The following SMURF2 variants were observed in gnomAD, a reference collection of about 807,000 sequenced individuals.
SMURF2 encodes the protein SMAD specific E3 ubiquitin protein ligase 2, also known as E3 ubiquitin-protein ligase SMURF2.
In SMURF2, 48 loss-of-function variants were observed where a neutral mutation model predicts 109.6. The ratio of observed to expected loss-of-function variants is 0.44; its 90% CI spans 0.35 to 0.56. The LOEUF (loss-of-function observed/expected upper bound fraction) is 0.56. Among genes scored for constraint, SMURF2 ranks in the 20% least tolerant of loss-of-function variants. SMURF2 has a pLI of 0.01. For missense variants in SMURF2, 575 were observed against 909.0 expected (o/e 0.63, Z 4.72); for synonymous variants, 288 against 317.1 (o/e 0.91, Z 0.97).
intron 5 of SMURF2, 96 bp downstream of exon 5, chr17:64,590,988 A>T (rs558586008): frequency 1.3e-6 from 1 of 781,246 alleles, no homozygotes; most frequent in African/African-American, 1.8e-5. Flanking sequence ...GGCCAACACA[A>T]TGAAGCTACA....
At chr17:64,618,787 A>G (rs1248616275) in intron 1 of SMURF2, among the ~76,000 whole-genome samples, 3 of 152,214 alleles carry the variant, frequency 2.0e-5, no homozygotes, top group Non-Finnish European at 4.4e-5. Context: ...GACTTGCATC[A>G]CTTTTTGGCC....
intron 1 of SMURF2, among the ~76,000 whole-genome samples, chr17:64,642,898 G>A (rs57686221): frequency 0.024 from 3,704 of 152,086 alleles, 159 homozygotes; most frequent in African/African-American, 0.085. Context: ...AGGCTCAAGA[G>A]ATCCTCCCAC....
In SMURF2 at chr17:64,581,863, T is replaced by C. The variant is rs1476688185; in HGVS notation, c.570-872A>G. ...GGGAGGCTGAGGTACGAGAATTGCT[T>C]GAATCCAGGAGGCAGAGGTTGCAGT... On this transcript the variant is annotated intron_variant, in intron 7 of 18. Coordinates refer to ENST00000262435, the MANE Select transcript of SMURF2 (RefSeq NM_022739.4). This position sits in a 1 kb window ranked among gnomAD's most constrained non-coding sequence, Gnocchi z 4.3. Among the ~76,000 whole-genome samples, 1 of 151,338 alleles carries C rather than the reference T, an allele frequency of 6.6e-6. No individual in the cohort carries two copies. The highest frequency in any genetic ancestry group is 2.4e-5 in the African/African-American group (1 of 41,140).
At chr17:64,592,918 T>G (rs1969770024) in intron 4 of SMURF2, 1 of 152,216 alleles carries the variant, frequency 6.6e-6, no homozygotes. Context: ...ACGTTTAATC[T>G]TTAACTTTTA....
intron 10 of SMURF2, among the ~76,000 whole-genome samples, chr17:64,564,599 G>A (rs570360642): frequency 6.6e-6 from 1 of 152,236 alleles, no homozygotes; most frequent in East Asian, 1.9e-4. Context: ...TATAAGAAGA[G>A]GGAAATTAGG....
chr17:64,655,252 CTTTTTTTTTTTTTTTT>C (rs749497302), intron 1 of SMURF2, among the ~76,000 whole-genome samples: 2 of 85,906 alleles, frequency 2.3e-5, no homozygotes, highest in African/African-American at 5.5e-5. Flanking sequence ...AATGAAATGT[CTTTTTTTTTTTTTTTT>C]TTTTTTTTTT....
intron 1 of SMURF2, among the ~76,000 whole-genome samples, chr17:64,636,331 G>A (rs9902657): frequency 0.097 from 14,667 of 151,846 alleles, 1,665 homozygotes; most frequent in African/African-American, 0.28. Flanking sequence ...GGCCGGGTGC[G>A]GTGGCTCACA....
intron 1 of SMURF2, among the ~76,000 whole-genome samples, chr17:64,640,207 T>G (rs1389272227): frequency 2.0e-5 from 3 of 152,190 alleles, no homozygotes; most frequent in Admixed American, 6.5e-5. Context: ...AGAAATTGTG[T>G]TCAGTTCTCA....
intron 12 of SMURF2, among the ~76,000 whole-genome samples, chr17:64,560,240 T>C (rs1330114994): frequency 2.0e-5 from 3 of 151,952 alleles, no homozygotes; most frequent in Admixed American, 1.3e-4. Flanking sequence ...ATAAATAAAA[T>C]AAACTACTTA....
At chr17:64,596,771 A>G (rs192377670) in intron 3 of SMURF2, among the ~76,000 whole-genome samples, 175 of 152,176 alleles carry the variant, frequency 1.1e-3, no homozygotes, top group Admixed American at 2.0e-3. Flanking sequence ...AAAAAAGCCA[A>G]TGGAATACTG....
intron 10 of SMURF2, 133 bp from the exon 11 acceptor site, chr17:64,563,099 T>G: frequency 1.3e-6 from 1 of 754,768 alleles, no homozygotes; most frequent in Non-Finnish European, 2.0e-6. Flanking sequence ...AACATATACT[T>G]GGCTTGACAT....
At chr17:64,594,005 A>G (rs183474268) in intron 3 of SMURF2, 83 of 153,554 alleles carry the variant, frequency 5.4e-4, no homozygotes, top group Admixed American at 2.3e-3. Flanking sequence ...TATATTTTAA[A>G]ATGCTGTAGA....
chr17:64,574,309 G>A (rs1302154280), intron 9 of SMURF2, among the ~76,000 whole-genome samples: 2 of 152,060 alleles, frequency 1.3e-5, no homozygotes, highest in Non-Finnish European at 2.9e-5. Context: ...GCTGGTTAAA[G>A]AAAAATGGAA....
chr17:64,546,173 C>T, intron 18 of SMURF2, 90 bp downstream of exon 18: 1 of 1,253,260 alleles, frequency 8.0e-7, no homozygotes, highest in Non-Finnish European at 1.2e-6. Context: ...CCATTTAACA[C>T]TAGTAAGTAC....
chr17:64,551,729 T>C, intron 15 of SMURF2, 25 bp from the exon 16 acceptor site: 2 of 1,612,490 alleles, frequency 1.2e-6, no homozygotes, highest in Non-Finnish European at 1.7e-6. Flanking sequence ...CAGGATTTCG[T>C]ATAATCACAT....
rs1969402877 is a variant in SMURF2 at position 64,571,828 on chromosome 17, C to T, written c.986G>A (p.Arg329Gln). Residue 329 changes from arginine to glutamine, a missense_variant, in exon 10 of 19, where the codon CGG becomes CAG. Physicochemically the swap from Arg to Gln is conservative, Grantham distance 43 (BLOSUM62 1). Transcript: ENST00000262435. The part of the protein sequence containing the change: ...NNRTTQFTDP[R>Q]LSANLHLVLN... ...AACTAAATGCAAGTTAGCAGACAGCCGAGGATCTGTAAATTGTGTTGTTCT... is the reference window on the plus strand; with the variant it reads ...AACTAAATGCAAGTTAGCAGACAGCTGAGGATCTGTAAATTGTGTTGTTCT... The T allele has an allele frequency of 6.2e-7, 1 of 1,612,182 alleles. No individual in the cohort carries two copies. Among genetic ancestry groups the T allele is most frequent in the Non-Finnish European group, 8.5e-7 (1 of 1,179,208 alleles).
intron 16 of SMURF2, among the ~76,000 whole-genome samples, chr17:64,550,054 TAA>T (rs1318970588): frequency 2.6e-5 from 4 of 152,236 alleles, no homozygotes; most frequent in African/African-American, 9.6e-5. Context: ...GTTTATTGTA[TAA>T]AGAGATGAAA....
intron 1 of SMURF2, among the ~76,000 whole-genome samples, chr17:64,635,296 T>A (rs1555691991): frequency 6.6e-6 from 1 of 152,114 alleles, no homozygotes; most frequent in African/African-American, 2.4e-5. Context: ...CACTGCACTC[T>A]GGCCTGGGCG....
At chr17:64,552,434 G>A (rs1598267694) in intron 15 of SMURF2, among the ~76,000 whole-genome samples, 1 of 152,292 alleles carries the variant, frequency 6.6e-6, no homozygotes, top group East Asian at 1.9e-4. Flanking sequence ...TGGAGAAATG[G>A]TTCTCTACTT....
Sources: allele counts gnomAD v4.1 joint callset (sites outside exome capture counted in the v4.1 genomes callset), GRCh38; gene constraint gnomAD v4.1.1; non-coding constraint Gnocchi (gnomAD v3.1); transcripts MANE v1.5; gene names NCBI Gene and HGNC (gene_info 2026-07-23, HGNC 2026-07-21).